OXCT1: variants seen among roughly 807,000 people sequenced by gnomAD.
OXCT1 encodes the protein 3-oxoacid CoA-transferase 1, also known as succinyl-CoA:3-ketoacid coenzyme A transferase 1, mitochondrial.
OXCT1 carries 27 observed loss-of-function variants against 69.6 expected under a neutral mutation model. The ratio of observed to expected loss-of-function variants is 0.39; its 90% CI spans 0.29 to 0.54. The LOEUF is 0.54. OXCT1 is among the 20% of genes least tolerant of loss of function. The probability of loss-of-function intolerance (pLI) is 0.72; values close to 1 mark genes in which losing one functional copy is unlikely to be tolerated. For synonymous variants in OXCT1, 202 were observed against 217.8 expected, an observed-to-expected ratio of 0.93 and a Z score of 0.64; for missense variants, 437 against 650.2, an observed-to-expected ratio of 0.67 and a Z score of 3.57.
chr5:41,808,675 G>A (rs1291025716), intron 7 of OXCT1, among the ~76,000 whole-genome samples: 1 of 152,080 alleles, frequency 6.6e-6, no homozygotes, highest in Non-Finnish European at 1.5e-5. Flanking sequence ...TGAGGAGACA[G>A]GGAAAGTGGG....
intron 13 of OXCT1, among the ~76,000 whole-genome samples, chr5:41,783,765 A>G (rs1365881957): frequency 6.6e-6 from 1 of 152,190 alleles, no homozygotes; most frequent in Non-Finnish European, 1.5e-5. Flanking sequence ...TCAGGTATCT[A>G]GCTCACCTTT....
intron 4 of OXCT1, among the ~76,000 whole-genome samples, chr5:41,852,024 G>A (rs1329428698): frequency 6.6e-6 from 1 of 152,136 alleles, no homozygotes; most frequent in African/African-American, 2.4e-5. Context: ...TACAAGAAGA[G>A]ACACCCAGAG....
chr5:41,852,039 A>T (rs1313399569), intron 4 of OXCT1, among the ~76,000 whole-genome samples: 1 of 152,176 alleles, frequency 6.6e-6, no homozygotes, highest in Non-Finnish European at 1.5e-5. Context: ...CCAGAGAGTG[A>T]GCATGCATGC....
At chr5:41,830,698 T>C (rs1282221101) in intron 7 of OXCT1, among the ~76,000 whole-genome samples, 1 of 152,200 alleles carries the variant, frequency 6.6e-6, no homozygotes, top group Non-Finnish European at 1.5e-5. Flanking sequence ...GTCTTTGTCT[T>C]ATCTGGACAG....
intron 7 of OXCT1, among the ~76,000 whole-genome samples, chr5:41,809,366 C>T (rs1253094426): frequency 6.6e-6 from 1 of 151,912 alleles, no homozygotes; most frequent in African/African-American, 2.4e-5. Context: ...TGTGATAAAT[C>T]TCACAATTAG....
chr5:41,826,432 C>A (rs919748856), intron 7 of OXCT1, among the ~76,000 whole-genome samples: 1 of 152,058 alleles, frequency 6.6e-6, no homozygotes, highest in Non-Finnish European at 1.5e-5. Flanking sequence ...GTTTATTAAT[C>A]AAAGCAGCGG....
chr5:41,780,906 ATT>A (rs879407845), intron 13 of OXCT1, among the ~76,000 whole-genome samples: 7 of 141,504 alleles, frequency 4.9e-5, no homozygotes, highest in South Asian at 2.3e-4. Flanking sequence ...TGTCTCCCAC[ATT>A]TTTTTTTTTT....
intron 3 of OXCT1, among the ~76,000 whole-genome samples, chr5:41,859,891 T>TATATATATATATGTA (rs1749653513): frequency 3.5e-5 from 4 of 114,200 alleles, no homozygotes; most frequent in Admixed American, 9.2e-5. Context: ...ATATATGTAA[T>TATATATATATATGTA]ATATATATAT....
intron 7 of OXCT1, among the ~76,000 whole-genome samples, chr5:41,821,823 T>A (rs115347519): frequency 2.6e-5 from 4 of 152,236 alleles, no homozygotes; most frequent in African/African-American, 9.6e-5. Flanking sequence ...TTTTTGCATA[T>A]GTTTGACACC....
intron 11 of OXCT1, among the ~76,000 whole-genome samples, chr5:41,795,901 A>G (rs1393149936): frequency 2.6e-5 from 4 of 152,166 alleles, no homozygotes; most frequent in Non-Finnish European, 5.9e-5. Context: ...ATAAAATTAG[A>G]AAACACATAT....
At chr5:41,805,131 T>C (rs1485507912) in intron 9 of OXCT1, among the ~76,000 whole-genome samples, 1 of 152,060 alleles carries the variant, frequency 6.6e-6, no homozygotes, top group African/African-American at 2.4e-5. Context: ...CACAGGATCT[T>C]TGTCAAGAGA....
chr5:41,780,436 T>C (rs1208222943), intron 13 of OXCT1, among the ~76,000 whole-genome samples: 1 of 152,288 alleles, frequency 6.6e-6, no homozygotes, highest in East Asian at 1.9e-4. Context: ...TAGAACAGTA[T>C]AAAGGACATT....
chr5:41,761,265 CAG>C (rs1410250433), intron 14 of OXCT1, among the ~76,000 whole-genome samples: 1 of 152,072 alleles, frequency 6.6e-6, no homozygotes, highest in Non-Finnish European at 1.5e-5. Flanking sequence ...GCTTTGGAAT[CAG>C]AGACACCAGG....
Position 41,803,109 on chromosome 5 carries a change from A to C in OXCT1, c.1010T>G (p.Ile337Arg). The C allele has an allele frequency of 6.2e-7, 1 of 1,612,396 alleles. No individual in the cohort carries two copies. Among genetic ancestry groups the C allele is most frequent in the Non-Finnish European group, 8.5e-7 (1 of 1,178,732 alleles). Residue 337 changes from isoleucine (I) to arginine (R), a missense_variant, in exon 10 of 17, where the codon ATA becomes AGA. Around this residue, in one of 4 missense-constraint regions of OXCT1, gnomAD observed 252 missense variants for 397.4 expected, o/e 0.63. Transcript: ENST00000196371. Reference protein sequence around the residue: ...LLASNFISPNITVHLQSENGV... With the variant: ...LLASNFISPNRTVHLQSENGV... ...ATTTTCACTTTGAAGATGAACAGTT[A>C]TATTTGGGCTGATAAAATTGCTGGC...
At chr5:41,808,924 GGATA>G (rs1746821437) in intron 7 of OXCT1, among the ~76,000 whole-genome samples, 1 of 151,926 alleles carries the variant, frequency 6.6e-6, no homozygotes, top group Admixed American at 6.6e-5. Flanking sequence ...AGTATCCTGA[GGATA>G]GACATGAAGA....
chr5:41,820,897 C>T (rs1747515466), intron 7 of OXCT1, among the ~76,000 whole-genome samples: 4 of 152,084 alleles, frequency 2.6e-5, no homozygotes, highest in Admixed American at 2.6e-4. Context: ...TAGTGCCATA[C>T]ACTCGCAGCA....
intron 13 of OXCT1, among the ~76,000 whole-genome samples, chr5:41,772,630 ATGTCCTC>A (rs1375264442): frequency 6.6e-6 from 1 of 152,182 alleles, no homozygotes; most frequent in South Asian, 2.1e-4. Context: ...TTATCTCAAG[ATGTCCTC>A]TGGATTCAGT....
chr5:41,855,867 G>A (rs1303721621), intron 3 of OXCT1, among the ~76,000 whole-genome samples: 1 of 152,192 alleles, frequency 6.6e-6, no homozygotes, highest in Non-Finnish European at 1.5e-5. Flanking sequence ...CTTACAGGAG[G>A]TGGCACTTAC....
At chr5:41,868,868 T>A (rs1333325041) in intron 1 of OXCT1, among the ~76,000 whole-genome samples, 1 of 152,210 alleles carries the variant, frequency 6.6e-6, no homozygotes, top group Non-Finnish European at 1.5e-5. Context: ...AACCCCTTAT[T>A]TGCATCTCGT....
Sources: allele counts gnomAD v4.1 joint callset (sites outside exome capture counted in the v4.1 genomes callset), GRCh38; gene constraint gnomAD v4.1.1; regional missense constraint gnomAD v4.1.1; transcripts MANE v1.5; gene names NCBI Gene and HGNC (gene_info 2026-07-23, HGNC 2026-07-21).